The following C12orf54 variants were observed in gnomAD, a reference collection of about 807,000 sequenced individuals.
The protein encoded by C12orf54 is chromosome 12 open reading frame 54, also known as uncharacterized protein C12orf54.
Under a neutral mutation model 26.4 loss-of-function variants are expected in C12orf54, and 24 were observed. The observed-to-expected ratio is 0.91, with a 90% confidence interval of 0.66 to 1.28. The LOEUF (loss-of-function observed/expected upper bound fraction) is 1.28. C12orf54 is among the 50% of genes most tolerant of loss of function. C12orf54 has a pLI of 0.00. For synonymous variants in C12orf54, 54 were observed against 47.0 expected (o/e 1.15, Z -0.61); for missense variants, 154 against 150.9 (o/e 1.02, Z -0.11).
At chr12:48,439,139 A>G in the C12orf54 span, among the ~76,000 whole-genome samples, 4 of 152,354 alleles carry the variant, frequency 2.6e-5, no homozygotes, top group African/African-American at 9.6e-5. Context: ...CAAAAAACAC[A>G]TGAAAAAATG....
the C12orf54 span, among the ~76,000 whole-genome samples, chr12:48,454,307 G>A: frequency 6.6e-6 from 1 of 151,954 alleles, no homozygotes; most frequent in East Asian, 1.9e-4. Flanking sequence ...CACCATGTTG[G>A]CCAGGATAGT....
At chr12:48,473,067 A>T in the C12orf54 span, 64 of 1,613,966 alleles carry the variant, frequency 4.0e-5, no homozygotes, top group Non-Finnish European at 5.3e-5. Flanking sequence ...CTGAGAAAAG[A>T]TGTTCAAGCT....
At chr12:48,415,066 G>C in the C12orf54 span, among the ~76,000 whole-genome samples, 1 of 152,180 alleles carries the variant, frequency 6.6e-6, no homozygotes, top group Non-Finnish European at 1.5e-5. Context: ...GCCTCCGTTT[G>C]AATGTCATCA....
chr12:48,490,087 C>T (rs1182430217), intron 5 of C12orf54, among the ~76,000 whole-genome samples: 1 of 152,042 alleles, frequency 6.6e-6, no homozygotes, highest in Non-Finnish European at 1.5e-5. Context: ...CCACTGGAGA[C>T]TCAATGAGGA....
At chr12:48,465,562 G>C in the C12orf54 span, among the ~76,000 whole-genome samples, 1 of 151,882 alleles carries the variant, frequency 6.6e-6, no homozygotes, top group Non-Finnish European at 1.5e-5. Flanking sequence ...CTCATTACTG[G>C]GTATATAACC....
At chr12:48,453,719 TA>T in the C12orf54 span, among the ~76,000 whole-genome samples, 1 of 150,228 alleles carries the variant, frequency 6.7e-6, no homozygotes, top group African/African-American at 2.4e-5. Context: ...TTTTAAAGAA[TA>T]AAACAAAATA....
chr12:48,446,474 C>T, the C12orf54 span, among the ~76,000 whole-genome samples: 5 of 152,120 alleles, frequency 3.3e-5, no homozygotes, highest in South Asian at 6.2e-4. Flanking sequence ...ACAAAGGAGG[C>T]GCAGGTCTAG....
At chr12:48,461,733 C>G in the C12orf54 span, among the ~76,000 whole-genome samples, 52 of 151,764 alleles carry the variant, frequency 3.4e-4, 2 homozygotes, top group East Asian at 6.4e-3. Context: ...AGCTAAGTCC[C>G]ACAAATTTCC....
intron 4 of C12orf54, chr12:48,488,013 A>C (rs1156478757): frequency 2.2e-6 from 2 of 911,428 alleles, no homozygotes; most frequent in African/African-American, 3.1e-5. Flanking sequence ...CATGGTGGCC[A>C]AGAAGGATGT....
chr12:48,415,503 TAA>T, the C12orf54 span, among the ~76,000 whole-genome samples: 63 of 152,214 alleles, frequency 4.1e-4, 1 homozygote, highest in Non-Finnish European at 7.3e-4. Context: ...TCAACACAGC[TAA>T]CCTCTCTATT....
chr12:48,458,083 C>T, the C12orf54 span, among the ~76,000 whole-genome samples: 3 of 152,228 alleles, frequency 2.0e-5, no homozygotes, highest in Admixed American at 6.5e-5. Flanking sequence ...TTTGAAGAAA[C>T]TGGCCAGAGG....
chr12:48,472,594 G>A, the C12orf54 span: 2 of 1,574,648 alleles, frequency 1.3e-6, no homozygotes, highest in South Asian at 1.2e-5. Context: ...TTTCAAATGT[G>A]CGGTTGTGGG....
At chr12:48,426,342 A>T in the C12orf54 span, among the ~76,000 whole-genome samples, 25 of 152,074 alleles carry the variant, frequency 1.6e-4, no homozygotes, top group East Asian at 4.8e-3. Context: ...TGAATTGGGG[A>T]CCCTTTCTCC....
the C12orf54 span, among the ~76,000 whole-genome samples, chr12:48,433,736 C>T: frequency 5.1e-4 from 78 of 152,238 alleles, no homozygotes; most frequent in South Asian, 8.3e-3. Flanking sequence ...TGTGAGCCAC[C>T]GCACCCGGCC....
chr12:48,459,105 T>G, the C12orf54 span, among the ~76,000 whole-genome samples: 6 of 152,222 alleles, frequency 3.9e-5, no homozygotes, highest in African/African-American at 1.4e-4. Flanking sequence ...TCCTTTTATT[T>G]CTTTACTTGC....
the C12orf54 span, among the ~76,000 whole-genome samples, chr12:48,437,799 C>T: frequency 6.6e-6 from 1 of 152,098 alleles, no homozygotes; most frequent in East Asian, 1.9e-4. Flanking sequence ...CAATATCATA[C>T]TGAATGGACA....
chr12:48,460,125 A>C, the C12orf54 span, among the ~76,000 whole-genome samples: 2 of 152,170 alleles, frequency 1.3e-5, no homozygotes, highest in Non-Finnish European at 2.9e-5. Flanking sequence ...ACCAATGCTG[A>C]AGACAAGCCT....
chr12:48,417,238 TA>T, the C12orf54 span: 1 of 152,210 alleles, frequency 6.6e-6, no homozygotes, highest in African/African-American at 2.4e-5. Context: ...GGCCAGGAAG[TA>T]AACTCCCAGG....
chr12:48,456,315 T>C, the C12orf54 span, among the ~76,000 whole-genome samples: 1 of 152,276 alleles, frequency 6.6e-6, no homozygotes, highest in Non-Finnish European at 1.5e-5. Flanking sequence ...ACTCTACCAG[T>C]GTGACAAGAT....
Sources: allele counts gnomAD v4.1 joint callset (sites outside exome capture counted in the v4.1 genomes callset), GRCh38; gene constraint gnomAD v4.1.1; transcripts MANE v1.5; gene names NCBI Gene and HGNC (gene_info 2026-07-23, HGNC 2026-07-21).